FOXP1: variants seen among roughly 807,000 people sequenced by gnomAD.
FOXP1 encodes forkhead box P1.
Under a neutral mutation model 98.2 loss-of-function variants are expected in FOXP1, and 15 were observed. The observed-to-expected ratio is 0.15, with a 90% CI of 0.10 to 0.24. FOXP1 has a LOEUF of 0.24. Among genes scored for constraint, FOXP1 ranks in the 10% least tolerant of loss-of-function variants. The pLI, the probability that FOXP1 is intolerant of heterozygous loss-of-function variation, is 1.00. For synonymous variants in FOXP1, 371 were observed against 314.5 expected (o/e 1.18, Z -1.90); for missense variants, 633 against 848.5 (o/e 0.75, Z 3.15).
rs988734944 is a variant in FOXP1 at position 71,252,811 on chromosome 3, T to C, written c.-12+47009A>G. The stretch of plus-strand genomic sequence containing the variant: ...CACATGTGGCCTCAACTGCAAAACA[T>C]GGTCAATGCCAACCGAGTGATAAAC... On this transcript the variant is annotated intron_variant, in intron 5 of 20. Transcript: ENST00000649528. Among the ~76,000 whole-genome samples the C allele has an allele frequency of 2.0e-5, 3 of 152,200 alleles. No homozygotes were observed. The East Asian group carries it at 5.8e-4, about 29-fold the overall frequency.
At chr3:71,021,407 A>G (rs1451276662) in intron 11 of FOXP1, among the ~76,000 whole-genome samples, 1 of 152,200 alleles carries the variant, frequency 6.6e-6, no homozygotes, top group East Asian at 1.9e-4. Context: ...ATAGTATTCC[A>G]TTGTACATAC....
At position 71,091,097 on chromosome 3, in the gene FOXP1, C is replaced by G. The variant is rs941203060; in HGVS notation, c.282+21439G>C. ...CATTTTGAGCTACAGGTGCCAGATTCTGTGTGTGTGTGTGTGTGTGTGTGT... is the reference window on the plus strand; with the variant it reads ...CATTTTGAGCTACAGGTGCCAGATTGTGTGTGTGTGTGTGTGTGTGTGTGT... On this transcript the variant is annotated intron_variant, in intron 7 of 20. Transcript: ENST00000649528. Among the ~76,000 whole-genome samples the G allele has an allele frequency of 4.5e-5, 6 of 132,610 alleles. No homozygotes were observed. The South Asian group carries it at 1.1e-3, about 25-fold the overall frequency. 87.0% of individuals were successfully genotyped at this position (132,610 alleles called of 152,430 possible). A position where few individuals can be genotyped will look rare whatever the true frequency, so the allele number is the denominator to read the frequency against.
At chr3:71,374,851 A>G (rs2079605445) in intron 3 of FOXP1, among the ~76,000 whole-genome samples, 1 of 152,186 alleles carries the variant, frequency 6.6e-6, no homozygotes, top group South Asian at 2.1e-4. Flanking sequence ...CAGATAGGCA[A>G]TGGTGTGAAA....
intron 6 of FOXP1, among the ~76,000 whole-genome samples, chr3:71,143,876 A>G (rs1377933269): frequency 6.6e-6 from 1 of 152,220 alleles, no homozygotes. Flanking sequence ...TGTCCCTCCA[A>G]GGGAATTTGG....
chr3:71,163,742 T>C (rs1428226618), intron 6 of FOXP1, among the ~76,000 whole-genome samples: 3 of 152,222 alleles, frequency 2.0e-5, no homozygotes, highest in Non-Finnish European at 2.9e-5. Context: ...AAATATTACA[T>C]GTGAGCTTGC....
intron 7 of FOXP1, chr3:71,065,818 T>C (rs997236095): frequency 1.3e-5 from 2 of 152,220 alleles, no homozygotes; most frequent in South Asian, 2.1e-4. Context: ...TTTCAGGCTA[T>C]TGAAAGCTGA....
chr3:71,494,919 A>G (rs1042777898), intron 2 of FOXP1, among the ~76,000 whole-genome samples: 1 of 148,688 alleles, frequency 6.7e-6, no homozygotes, highest in African/African-American at 2.5e-5. Flanking sequence ...GTCACATAGA[A>G]AAAAAAAAAA....
chr3:71,175,207 C>T (rs956778206), intron 6 of FOXP1, among the ~76,000 whole-genome samples: 2 of 152,318 alleles, frequency 1.3e-5, no homozygotes, highest in South Asian at 2.1e-4. Flanking sequence ...CCACCGCACC[C>T]GGCCTATTTT....
At chr3:71,372,330 T>C (rs552858348) in intron 3 of FOXP1, among the ~76,000 whole-genome samples, 1 of 152,240 alleles carries the variant, frequency 6.6e-6, no homozygotes, top group South Asian at 2.1e-4. Flanking sequence ...CCGAGGATCA[T>C]TCTTTAAGTC....
intron 5 of FOXP1, among the ~76,000 whole-genome samples, chr3:71,274,459 A>G (rs2070698955): frequency 6.6e-6 from 1 of 152,118 alleles, no homozygotes; most frequent in Non-Finnish European, 1.5e-5. Context: ...CCACCAGGAA[A>G]GGGGTCCTAT....
At position 70,955,253 on chromosome 3, in the gene FOXP1, C is replaced by G. The variant is rs1254828673; in HGVS notation, c.*3994G>C. 4.3e-6 allele frequency: 1 copy of G among 232,612 alleles called. No individual in the cohort carries two copies. Among genetic ancestry groups the G allele is most frequent in the Admixed American group, 5.6e-5 (1 of 17,768 alleles). The allele number at this position is 232,612 out of a possible 1,614,324, so 14.4% of individuals were successfully genotyped here. A position where few individuals can be genotyped will look rare whatever the true frequency, so the allele number is the denominator to read the frequency against. On this transcript the variant is annotated 3_prime_UTR_variant, in exon 21 of 21. Transcript: ENST00000649528. ...TGAGGAAAAAAAAGCTAGTGATTTA[C>G]AGCCTATCTTGGGTTAAGAATCCAA...
At chr3:71,427,382 T>C (rs1056735133) in intron 3 of FOXP1, among the ~76,000 whole-genome samples, 1 of 152,146 alleles carries the variant, frequency 6.6e-6, no homozygotes, top group African/African-American at 2.4e-5. Context: ...AGAGGTATCC[T>C]ACGGAGAGGG....
intron 2 of FOXP1, among the ~76,000 whole-genome samples, chr3:71,532,840 A>G (rs1044240957): frequency 2.6e-5 from 4 of 152,186 alleles, no homozygotes; most frequent in African/African-American, 9.7e-5. Context: ...CCACATATCT[A>G]GCAATAACTT....
chr3:71,061,623 G>A (rs1269094930), intron 7 of FOXP1, among the ~76,000 whole-genome samples: 3 of 152,100 alleles, frequency 2.0e-5, no homozygotes, highest in African/African-American at 7.2e-5. Flanking sequence ...CACAATTTAT[G>A]TATTTATTTA....
intron 5 of FOXP1, among the ~76,000 whole-genome samples, chr3:71,294,106 T>C (rs889351128): frequency 6.6e-6 from 1 of 152,140 alleles, no homozygotes; most frequent in African/African-American, 2.4e-5. Context: ...TATCAGGGGA[T>C]GGCGGGAGGG....
Position 71,251,047 on chromosome 3 carries a change from T to C in FOXP1, c.-12+48773A>G, listed in dbSNP as rs992475472. Among the ~76,000 whole-genome samples, 3 of 152,216 alleles carry C rather than the reference T, an allele frequency of 2.0e-5. No homozygotes were observed. The East Asian group carries it at 5.8e-4, about 29-fold the overall frequency. ...AAAAATTATTTTTTATAAACACGGT[T>C]TTGATTAGAATTGTAGATTTATATA... On this transcript the variant is annotated intron_variant, in intron 5 of 20. Coordinates refer to ENST00000649528, the MANE Select transcript of FOXP1 (RefSeq NM_001349338.3).
At chr3:71,014,692 T>C (rs976551784) in intron 12 of FOXP1, among the ~76,000 whole-genome samples, 1 of 152,192 alleles carries the variant, frequency 6.6e-6, no homozygotes, top group Admixed American at 6.6e-5. Context: ...CACATGCACA[T>C]GTATGTTTAT....
At chr3:71,398,691 T>C (rs1228357304) in intron 3 of FOXP1, among the ~76,000 whole-genome samples, 1 of 152,244 alleles carries the variant, frequency 6.6e-6, no homozygotes, top group African/African-American at 2.4e-5. Context: ...TGGCCTTTAA[T>C]AAATCACTGC....
At chr3:71,351,530 C>T (rs1301489257) in intron 4 of FOXP1, among the ~76,000 whole-genome samples, 1 of 152,206 alleles carries the variant, frequency 6.6e-6, no homozygotes, top group Admixed American at 6.5e-5. Flanking sequence ...AAGTCCTTGG[C>T]ATACAGCTTA....
Sources: allele counts gnomAD v4.1 joint callset (sites outside exome capture counted in the v4.1 genomes callset), GRCh38; gene constraint gnomAD v4.1.1; transcripts MANE v1.5; gene names NCBI Gene and HGNC (gene_info 2026-07-23, HGNC 2026-07-21).